Variants in CPS1 observed in about 807,000 individuals in gnomAD.
CPS1 encodes carbamoyl-phosphate synthase [ammonia], mitochondrial.
Under a neutral mutation model 174.6 loss-of-function variants are expected in CPS1, and 109 were observed. The ratio of observed to expected loss-of-function variants is 0.62; its 90% CI spans 0.53 to 0.73. The LOEUF is 0.73. Ranked by LOEUF, CPS1 falls within the 30% of genes least tolerant of loss-of-function variation. The probability of loss-of-function intolerance (pLI) is 0.00; values close to 1 mark genes in which losing one functional copy is unlikely to be tolerated. For missense variants in CPS1, 1,689 were observed against 1,821.9 expected (o/e 0.93, Z 1.33); for synonymous variants, 637 against 632.0 (o/e 1.01, Z -0.12).
At chr2:210,567,942 A>T (rs1574533620) in intron 1 of CPS1, among the ~76,000 whole-genome samples, 1 of 152,194 alleles carries the variant, frequency 6.6e-6, no homozygotes, top group African/African-American at 2.4e-5. Flanking sequence ...GCATTGTAAC[A>T]TGCTAATATC....
chr2:210,494,572 C>T (rs1252690283), intron 1 of CPS1, among the ~76,000 whole-genome samples: 1 of 152,176 alleles, frequency 6.6e-6, no homozygotes, highest in Non-Finnish European at 1.5e-5. Flanking sequence ...GATGCAAAGG[C>T]AAACACCTAT....
At chr2:210,669,873 C>A (rs1701238161) in intron 34 of CPS1, among the ~76,000 whole-genome samples, 1 of 152,074 alleles carries the variant, frequency 6.6e-6, no homozygotes, top group Non-Finnish European at 1.5e-5. Context: ...CACATCTAAT[C>A]ATAATAGTGC....
chr2:210,538,785 C>T (rs751468194), intron 1 of CPS1, among the ~76,000 whole-genome samples: 4 of 151,976 alleles, frequency 2.6e-5, no homozygotes, highest in Admixed American at 6.6e-5. Flanking sequence ...ATTTTAGCTT[C>T]ATATATTTTA....
chr2:210,535,189 A>G (rs1433069338), intron 1 of CPS1, among the ~76,000 whole-genome samples: 1 of 152,180 alleles, frequency 6.6e-6, no homozygotes, highest in East Asian at 1.9e-4. Context: ...TGCCTGAAAC[A>G]TACCCCAGCT....
In CPS1 at chr2:210,668,314, A is replaced by G. The variant is rs560339392; in HGVS notation, c.4101+30A>G. The G allele has an allele frequency of 2.9e-5, 40 of 1,393,718 alleles. No individual in the cohort carries two copies. The East Asian group carries it at 8.0e-4, about 28-fold the overall frequency. The allele number at this position is 1,393,718 out of a possible 1,614,324, so 86.3% of individuals were successfully genotyped here. A position where few individuals can be genotyped will look rare whatever the true frequency, so the allele number is the denominator to read the frequency against. ...GTGGTTTGTGGCTGTGTGCTTGCCC[A>G]TGGTCATACATGGTGAGTGGGGAGG... On this transcript the variant is annotated intron_variant, in intron 34 of 37. Transcript: ENST00000233072.
intron 3 of CPS1, 65 bp from the exon 4 acceptor site, chr2:210,577,356 T>G: frequency 7.9e-7 from 1 of 1,266,694 alleles, no homozygotes; most frequent in Non-Finnish European, 1.2e-6. Flanking sequence ...CAAATGCAAA[T>G]TGACTCACAA....
intron 1 of CPS1, among the ~76,000 whole-genome samples, chr2:210,505,808 GA>G (rs897816484): frequency 2.2e-4 from 33 of 152,334 alleles, no homozygotes; most frequent in African/African-American, 7.7e-4. Context: ...AGCAGTCTGA[GA>G]TCAAACTGCA....
At chr2:210,592,072 T>C in intron 10 of CPS1, 103 bp downstream of exon 10, 1 of 1,299,216 alleles carries the variant, frequency 7.7e-7, no homozygotes, top group East Asian at 2.5e-5. Flanking sequence ...ATACATGTGA[T>C]ATTTTGATAC....
At position 210,605,131 on chromosome 2, in the gene CPS1, G is replaced by T. The variant is rs750498132; in HGVS notation, c.1866G>T (p.Val622=). The T allele has an allele frequency of 1.2e-6, 2 of 1,611,988 alleles. No homozygotes were observed. Among genetic ancestry groups the T allele is most frequent in the Non-Finnish European group, 8.5e-7 (1 of 1,178,708 alleles). The change falls in exon 17 of 38, where the codon GTG becomes GTT. Residue 622 remains valine (V), a synonymous_variant. Coordinates refer to ENST00000233072, the MANE Select transcript of CPS1 (RefSeq NM_001875.5). ...KAFAMTNQIL[V]EKSVTGWKEI... The stretch of plus-strand genomic sequence containing the variant: ...TTGCTATGACCAACCAAATTCTGGT[G>T]GAGAAGTCAGTGACAGGTTGGAAAG...
Position 210,678,157 on chromosome 2 carries a change from T to G in CPS1, c.*172T>G. The G allele has an allele frequency of 1.4e-6, 1 of 702,072 alleles. No individual in the cohort carries two copies. The highest frequency in any genetic ancestry group is 2.6e-6 in the Non-Finnish European group (1 of 378,730). The allele number at this position is 702,072 out of a possible 1,614,324, so 43.5% of individuals were successfully genotyped here. ...TGCAATTAAATTGTCAGTCACTTCT[T>G]CAAAACCTTACAGTCCTTCCTAAGT... On this transcript the variant is annotated 3_prime_UTR_variant, in exon 38 of 38. Coordinates refer to ENST00000233072, the MANE Select transcript of CPS1 (RefSeq NM_001875.5).
At chr2:210,480,399 G>C (rs983399459) in intron 1 of CPS1, among the ~76,000 whole-genome samples, 1 of 152,200 alleles carries the variant, frequency 6.6e-6, no homozygotes, top group Non-Finnish European at 1.5e-5. Flanking sequence ...GACTGACTTT[G>C]GTGGACAGTT....
At chr2:210,486,518 T>C (rs372022807) in intron 1 of CPS1, among the ~76,000 whole-genome samples, 6 of 152,168 alleles carry the variant, frequency 3.9e-5, no homozygotes, top group East Asian at 3.9e-4. Context: ...GAAGCCTCTT[T>C]TCTTTTTTTG....
intron 30 of CPS1, among the ~76,000 whole-genome samples, chr2:210,658,029 G>T (rs886351173): frequency 4.6e-5 from 7 of 152,188 alleles, no homozygotes; most frequent in African/African-American, 1.7e-4. Context: ...CCCCCTCTTG[G>T]TATAGGGACA....
chr2:210,665,625 A>G (rs1403600572), intron 33 of CPS1, among the ~76,000 whole-genome samples: 1 of 151,874 alleles, frequency 6.6e-6, no homozygotes, highest in African/African-American at 2.4e-5. Flanking sequence ...GATTTCCAAT[A>G]TCATCCATGT....
chr2:210,654,122 C>A lies in CPS1; in HGVS notation c.3558+20C>A. On this transcript the variant is annotated intron_variant, in intron 29 of 37. Coordinates refer to ENST00000233072, the MANE Select transcript of CPS1 (RefSeq NM_001875.5). Reference sequence around the variant, plus strand: ...GGAAGGGTAAGTGCTTTATTCTCATCTCCTTCATTCCTGCCTTCTCATCAT... The same window carrying A: ...GGAAGGGTAAGTGCTTTATTCTCATATCCTTCATTCCTGCCTTCTCATCAT... The A allele has an allele frequency of 6.3e-7, 1 of 1,598,754 alleles. No homozygotes were observed. Among genetic ancestry groups the A allele is most frequent in the Non-Finnish European group, 8.6e-7 (1 of 1,166,062 alleles).
chr2:210,585,587 T>A (rs549513270), intron 6 of CPS1, among the ~76,000 whole-genome samples: 46 of 152,070 alleles, frequency 3.0e-4, no homozygotes, highest in Admixed American at 2.8e-3. Context: ...GCCATAGGAT[T>A]ATACATAGGA....
intron 1 of CPS1, among the ~76,000 whole-genome samples, chr2:210,548,537 T>TCAA (rs1696623135): frequency 6.6e-6 from 1 of 152,044 alleles, no homozygotes; most frequent in Non-Finnish European, 1.5e-5. Context: ...ATTTAATTCT[T>TCAA]CAACACTCAA....
intron 1 of CPS1, among the ~76,000 whole-genome samples, chr2:210,539,764 C>G (rs1262413088): frequency 6.6e-6 from 1 of 152,150 alleles, no homozygotes; most frequent in Non-Finnish European, 1.5e-5. Context: ...TCATTTGTCC[C>G]TTGTCTGTTA....
At chr2:210,576,968 T>A (rs1236236237) in intron 3 of CPS1, among the ~76,000 whole-genome samples, 1 of 152,144 alleles carries the variant, frequency 6.6e-6, no homozygotes, top group East Asian at 1.9e-4. Flanking sequence ...ATTCAAAAAT[T>A]TATATTCCAA....
Sources: allele counts gnomAD v4.1 joint callset (sites outside exome capture counted in the v4.1 genomes callset), GRCh38; gene constraint gnomAD v4.1.1; transcripts MANE v1.5; gene names NCBI Gene and HGNC (gene_info 2026-07-23, HGNC 2026-07-21).